The following MYBL2 variants were observed in gnomAD, a reference collection of about 807,000 sequenced individuals.
The protein encoded by MYBL2 is myb-related protein B.
Under a neutral mutation model 79.9 loss-of-function variants are expected in MYBL2, and 28 were observed. The ratio of observed to expected loss-of-function variants is 0.35; its 90% CI spans 0.26 to 0.48. MYBL2 has a LOEUF of 0.48. Among genes scored for constraint, MYBL2 ranks in the 20% least tolerant of loss-of-function variants. MYBL2 has a pLI of 0.99. For missense variants in MYBL2, 735 were observed against 893.9 expected (o/e 0.82, Z 2.27); for synonymous variants, 378 against 361.2 (o/e 1.05, Z -0.53).
At chr20:43,700,883 C>G (rs892268065) in intron 7 of MYBL2, among the ~76,000 whole-genome samples, 1 of 152,194 alleles carries the variant, frequency 6.6e-6, no homozygotes, top group African/African-American at 2.4e-5. Flanking sequence ...CTGCTACTAT[C>G]GCTTGGCAGG....
In MYBL2 at chr20:43,680,553, AGTGGCAT is replaced by A. The variant is rs536486800; in HGVS notation, c.115-1229_115-1223del. Among the ~76,000 whole-genome samples, 39 of 152,244 alleles carry A rather than the reference AGTGGCAT, an allele frequency of 2.6e-4. No individual in the cohort carries two copies. The South Asian group carries it at 7.9e-3, about 31-fold the overall frequency. On this transcript the variant is annotated intron_variant, in intron 2 of 13. Coordinates refer to ENST00000217026, the MANE Select transcript of MYBL2 (RefSeq NM_002466.4). ...TGCTCTGTTGCCGAGGCTGGAGTGC[AGTGGCAT>A]GATCTCGGCTCACTGCAACCTCCGC...
intron 13 of MYBL2, 85 bp downstream of exon 13, chr20:43,715,368 G>A: frequency 6.3e-7 from 1 of 1,582,752 alleles, no homozygotes; most frequent in Non-Finnish European, 8.6e-7. Context: ...TGGGGGTCCT[G>A]CAGTGCCCGC....
At chr20:43,700,738 A>AT (rs1478801923) in intron 7 of MYBL2, among the ~76,000 whole-genome samples, 6 of 152,204 alleles carry the variant, frequency 3.9e-5, no homozygotes, top group Admixed American at 2.6e-4. Flanking sequence ...TGAGCTTAAC[A>AT]TACAGTCTGC....
intron 9 of MYBL2, among the ~76,000 whole-genome samples, chr20:43,706,259 C>T (rs181238097): frequency 6.6e-6 from 1 of 152,268 alleles, no homozygotes; most frequent in East Asian, 1.9e-4. Flanking sequence ...GCGAAAGTGC[C>T]CATCCCTCTA....
intron 3 of MYBL2, among the ~76,000 whole-genome samples, chr20:43,682,514 C>T (rs1408431416): frequency 1.3e-5 from 2 of 152,234 alleles, no homozygotes; most frequent in Non-Finnish European, 2.9e-5. Context: ...CCCTGACGTA[C>T]AAGGAATTAA....
In MYBL2 at chr20:43,667,297, C is replaced by G. The variant is rs533911234; in HGVS notation, c.14C>G (p.Thr5Arg). 4.1e-6 allele frequency: 5 copies of G among 1,228,968 alleles called. No homozygotes were observed. In the Admixed American group the frequency reaches 1.3e-4, roughly 31 times the overall value. 76.1% of individuals were successfully genotyped at this position (1,228,968 alleles called of 1,614,324 possible). The change falls in exon 1 of 14, where the codon ACG (threonine) becomes AGG (arginine). Residue 5 changes from threonine (T) to arginine (R), a missense_variant. By Grantham distance (71) the Thr-to-Arg change is moderately conservative. This residue lies in a region of MYBL2 where 79 missense variants were observed against 86.7 expected (regional missense o/e 0.91). Transcript: ENST00000217026. MSRR[T>R]RCEDLDELHY... Reference sequence around the variant, plus strand: ...CGGGCCGGGGGGATGTCTCGGCGGACGCGCTGGTGAGACGAGCCGGGAGGG... The same window carrying G: ...CGGGCCGGGGGGATGTCTCGGCGGAGGCGCTGGTGAGACGAGCCGGGAGGG...
In MYBL2 at chr20:43,680,176, G is replaced by A. The variant is rs59085237; in HGVS notation, c.115-1608G>A. The stretch of plus-strand genomic sequence containing the variant: ...CTCCCGAGTAGCTGGGATCACAGGC[G>A]CCTGCCACCACGCTGGGCTAATTTT... On this transcript the variant is annotated intron_variant, in intron 2 of 13. Transcript: ENST00000217026. Among the ~76,000 whole-genome samples the A allele has an allele frequency of 9.5e-3, 1,447 of 151,788 alleles. 12 individuals are homozygous for A. Among genetic ancestry groups the A allele is most frequent in the African/African-American group, 0.033 (1,361 of 41,384 alleles).
chr20:43,710,215 G>A (rs924902221), intron 10 of MYBL2, among the ~76,000 whole-genome samples, 153 bp downstream of exon 10: 1 of 152,232 alleles, frequency 6.6e-6, no homozygotes, highest in Non-Finnish European at 1.5e-5. Flanking sequence ...AAATGGGGAA[G>A]CTGAGGCTGC....
chr20:43,668,771 C>T (rs285201), intron 1 of MYBL2, among the ~76,000 whole-genome samples: 135,803 of 150,536 alleles, frequency 0.9, 61,470 homozygotes, highest in African/African-American at 0.97. Context: ...CACTGTAGCC[C>T]CAACCTCCCA....
chr20:43,674,237 T>TCC (rs1568846734), intron 2 of MYBL2, among the ~76,000 whole-genome samples: 4 of 123,228 alleles, frequency 3.2e-5, no homozygotes, highest in African/African-American at 8.8e-5. Context: ...CCCCACCCTT[T>TCC]TTTTTTTTTT....
At chr20:43,690,732 A>G (rs1333032352) in intron 5 of MYBL2, among the ~76,000 whole-genome samples, 1 of 151,774 alleles carries the variant, frequency 6.6e-6, no homozygotes, top group Non-Finnish European at 1.5e-5. Flanking sequence ...GGTGGTGACT[A>G]CTATGTGTCA....
chr20:43,694,414 C>A (rs3091247), intron 6 of MYBL2, among the ~76,000 whole-genome samples: 138,045 of 151,926 alleles, frequency 0.91, 62,816 homozygotes, highest in South Asian at 0.93. Flanking sequence ...ATGATGCCGG[C>A]TGTGTGGTAG....
intron 5 of MYBL2, among the ~76,000 whole-genome samples, chr20:43,687,383 G>A (rs903797408): frequency 6.6e-6 from 1 of 152,174 alleles, no homozygotes; most frequent in East Asian, 1.9e-4. Flanking sequence ...TCTTCTCTTC[G>A]ACTTCAGTTT....
chr20:43,693,610 TAC>T, intron 6 of MYBL2, among the ~76,000 whole-genome samples: 1 of 152,254 alleles, frequency 6.6e-6, no homozygotes, highest in Admixed American at 6.5e-5. Flanking sequence ...GTGCTGGCAT[TAC>T]AGACGTGAGC....
chr20:43,683,007 C>G, intron 4 of MYBL2, 121 bp downstream of exon 4: 1 of 907,196 alleles, frequency 1.1e-6, no homozygotes, highest in Admixed American at 1.8e-5. Context: ...TGTGAGTTGT[C>G]TACCAGCCAG....
chr20:43,684,398 G>A (rs1478367117), intron 4 of MYBL2, among the ~76,000 whole-genome samples: 1 of 151,612 alleles, frequency 6.6e-6, no homozygotes, highest in Admixed American at 6.6e-5. Context: ...CACCACGCCC[G>A]GCTAATTTTT....
chr20:43,690,130 G>A (rs1216526393), intron 5 of MYBL2, among the ~76,000 whole-genome samples: 1 of 152,130 alleles, frequency 6.6e-6, no homozygotes, highest in African/African-American at 2.4e-5. Flanking sequence ...GAGGGCGCAT[G>A]TGTACATGGG....
At chr20:43,669,657 A>G (rs576462352) in intron 1 of MYBL2, among the ~76,000 whole-genome samples, 1 of 152,298 alleles carries the variant, frequency 6.6e-6, no homozygotes, top group African/African-American at 2.4e-5. Flanking sequence ...TGGAGTTAGG[A>G]AGGTTCAGAG....
intron 12 of MYBL2, 48 bp downstream of exon 12, chr20:43,713,154 AAG>A (rs772494439): frequency 2.6e-6 from 4 of 1,515,368 alleles, no homozygotes; most frequent in Admixed American, 3.7e-5. Flanking sequence ...GAGGACCCTC[AAG>A]GTGGAGTTAG....
Sources: gnomAD v4.1 joint callset for allele counts (sites outside exome capture counted in the v4.1 genomes callset) on GRCh38, gnomAD v4.1.1 for gene constraint, gnomAD v4.1.1 regional missense constraint, MANE v1.5 for transcripts, NCBI Gene and HGNC (gene_info 2026-07-23, HGNC 2026-07-21) for gene names.